Variants in OSBPL3 observed in about 807,000 individuals in gnomAD.
The protein encoded by OSBPL3 is oxysterol binding protein like 3.
OSBPL3 carries 65 observed loss-of-function variants against 120.1 expected under a neutral mutation model. The ratio of observed to expected loss-of-function variants is 0.54; its 90% confidence interval spans 0.44 to 0.67. The LOEUF (loss-of-function observed/expected upper bound fraction) is 0.67, where lower values mean the gene tolerates loss of function less well. OSBPL3 is among the 30% of genes least tolerant of loss of function. OSBPL3 has a pLI of 0.00. For synonymous variants in OSBPL3, 416 were observed against 402.6 expected (o/e 1.03, Z -0.40); for missense variants, 1,004 against 1,082.1 (o/e 0.93, Z 1.01).
At chr7:24,909,461 TG>T (rs1341724187) in intron 1 of OSBPL3, among the ~76,000 whole-genome samples, 1 of 152,204 alleles carries the variant, frequency 6.6e-6, no homozygotes, top group Non-Finnish European at 1.5e-5. Flanking sequence ...ACACACTGGT[TG>T]AAGACCATAG....
chr7:24,959,481 T>C lies in OSBPL3; in HGVS notation c.-150+20405A>G, dbSNP rs181385858. The stretch of plus-strand genomic sequence containing the variant: ...GTTAACATGAGTCAATTTACATAAG[T>C]TACAAAAACAAGCAAAGCTAATCTG... On this transcript the variant is annotated intron_variant, in intron 1 of 22. Transcript: ENST00000313367. This position sits in a 1 kb window ranked among gnomAD's most constrained non-coding sequence, Gnocchi z 4.3. Among the ~76,000 whole-genome samples, 816 of 152,248 alleles carry C rather than the reference T, an allele frequency of 5.4e-3. 2 individuals carry two copies. The highest frequency in any genetic ancestry group is 0.019 in the African/African-American group (780 of 41,548).
rs868609855 is a variant in OSBPL3, at chr7:24,938,795, G to C, written c.-150+41091C>G. On this transcript the variant is annotated intron_variant, in intron 1 of 22. Transcript: ENST00000313367. The surrounding 1 kb of genome is among the most constrained non-coding windows in gnomAD (Gnocchi z 5.8). Reference sequence around the variant, plus strand: ...TTTGTTTTGATGTGTGTGTGTGTGTGTGTGTGTGTGTGTGTGTGTGTGTGT... The same window carrying C: ...TTTGTTTTGATGTGTGTGTGTGTGTCTGTGTGTGTGTGTGTGTGTGTGTGT... Among the ~76,000 whole-genome samples the C allele has an allele frequency of 0.053, 7,789 of 147,550 alleles. 376 individuals are homozygous for C. Among genetic ancestry groups the C allele is most frequent in the East Asian group, 0.18 (906 of 4,936 alleles).
At chr7:24,961,083 C>T (rs1007174675) in intron 1 of OSBPL3, among the ~76,000 whole-genome samples, 1 of 152,036 alleles carries the variant, frequency 6.6e-6, no homozygotes, top group Non-Finnish European at 1.5e-5. Context: ...AATTCTTCTC[C>T]CCCTTACAAA....
intron 1 of OSBPL3, among the ~76,000 whole-genome samples, chr7:24,942,772 C>A (rs1160634442): frequency 1.3e-5 from 2 of 152,184 alleles, no homozygotes; most frequent in African/African-American, 4.8e-5. Flanking sequence ...GTCAAAAACA[C>A]TGATATTTTT....
At chr7:24,878,204 C>G (rs114998384) in intron 2 of OSBPL3, among the ~76,000 whole-genome samples, 2,114 of 152,320 alleles carry the variant, frequency 0.014, 54 homozygotes, top group African/African-American at 0.049. Flanking sequence ...GCTGTTTCCA[C>G]AGGCACCTTT....
At chr7:24,826,387 T>C (rs1199679950) in intron 16 of OSBPL3, among the ~76,000 whole-genome samples, 2 of 152,168 alleles carry the variant, frequency 1.3e-5, no homozygotes, top group Non-Finnish European at 2.9e-5. Context: ...CACCCCTGCC[T>C]ACCACAGGAG....
chr7:24,895,887 T>C (rs936526061), intron 1 of OSBPL3, among the ~76,000 whole-genome samples: 1 of 152,244 alleles, frequency 6.6e-6, no homozygotes, highest in African/African-American at 2.4e-5. Flanking sequence ...TGCACAAATC[T>C]TAAGTGCACA....
In OSBPL3 at chr7:24,867,263, T is replaced by C. The variant is rs901931399; in HGVS notation, c.382-1026A>G. Among the ~76,000 whole-genome samples, 1 of 152,260 alleles carries C rather than the reference T, an allele frequency of 6.6e-6. No individual in the cohort carries two copies. The highest frequency in any genetic ancestry group is 2.4e-5 in the African/African-American group (1 of 41,476). Reference sequence around the variant, plus strand: ...CACCATTTTTCTTTTTAAACTCTTTTATAATTCAGACTTTTCAGATTAATC... The same window carrying C: ...CACCATTTTTCTTTTTAAACTCTTTCATAATTCAGACTTTTCAGATTAATC... On this transcript the variant is annotated intron_variant, in intron 5 of 22. Coordinates refer to ENST00000313367, the MANE Select transcript of OSBPL3 (RefSeq NM_015550.4). The surrounding 1 kb of genome is among the most constrained non-coding windows in gnomAD (Gnocchi z 4.5).
Position 24,822,035 on chromosome 7 carries a change from G to A in OSBPL3, c.1885-1797C>T, listed in dbSNP as rs1022893082. ...ACTAAAGGTGTGTGCCACCACGCCCGGCTAATTTTTTCACTTTTTGTAGGG... is the reference window on the plus strand; with the variant it reads ...ACTAAAGGTGTGTGCCACCACGCCCAGCTAATTTTTTCACTTTTTGTAGGG... On this transcript the variant is annotated intron_variant, in intron 16 of 22. Coordinates refer to ENST00000313367, the MANE Select transcript of OSBPL3 (RefSeq NM_015550.4). This position sits in a 1 kb window ranked among gnomAD's most constrained non-coding sequence, Gnocchi z 5.8. 5.9e-5 allele frequency among the ~76,000 whole-genome samples: 9 copies of A among 152,054 alleles called. No homozygotes were observed. The highest frequency in any genetic ancestry group is 1.9e-4 in the African/African-American group (8 of 41,494).
chr7:24,909,783 C>CTT (rs10591188), intron 1 of OSBPL3, among the ~76,000 whole-genome samples: 1,491 of 77,242 alleles, frequency 0.019, 10 homozygotes, highest in East Asian at 0.027. Flanking sequence ...TTTTTTCTTT[C>CTT]TTTTTTTTTT....
At position 24,879,633 on chromosome 7, in the gene OSBPL3, G is replaced by A. The variant is rs1407258255; in HGVS notation, c.97-7564C>T. ...GAAGGAAAATCAGTCCTTGCCAGCA[G>A]CTGATACTGACAACAAGGAGATAAA... is the stretch of plus-strand genomic sequence containing the variant. On this transcript the variant is annotated intron_variant, in intron 2 of 22. Transcript: ENST00000313367. The surrounding 1 kb of genome is among the most constrained non-coding windows in gnomAD (Gnocchi z 5.6). 6.6e-6 allele frequency among the ~76,000 whole-genome samples: 1 copy of A among 152,196 alleles called. No individual in the cohort carries two copies. The highest frequency in any genetic ancestry group is 2.4e-5 in the African/African-American group (1 of 41,456).
At position 24,833,850 on chromosome 7, in the gene OSBPL3, G is replaced by A. The variant is rs1047389452; in HGVS notation, c.1746+636C>T. 7.9e-5 allele frequency among the ~76,000 whole-genome samples: 12 copies of A among 152,188 alleles called. No homozygotes were observed. The highest frequency in any genetic ancestry group is 1.5e-5 in the Non-Finnish European group (1 of 68,030). ...CCTACCCATGAGATGGGGGAAAGAT[G>A]AGAAATACTTGGAAGCCCTTTTAAA... On this transcript the variant is annotated intron_variant, in intron 15 of 22. Transcript: ENST00000313367. The surrounding 1 kb of genome is among the most constrained non-coding windows in gnomAD (Gnocchi z 4.4).
At chr7:24,839,277 G>A (rs903203169) in intron 14 of OSBPL3, among the ~76,000 whole-genome samples, 2 of 152,172 alleles carry the variant, frequency 1.3e-5, no homozygotes, top group African/African-American at 2.4e-5. Flanking sequence ...TTGATGCTAC[G>A]AGGACCCATG....
intron 19 of OSBPL3, among the ~76,000 whole-genome samples, chr7:24,811,587 G>A (rs781684024): frequency 5.3e-5 from 8 of 152,212 alleles, no homozygotes; most frequent in Admixed American, 4.6e-4. Flanking sequence ...CCTGACCAAC[G>A]TCATGAAGCT....
intron 1 of OSBPL3, among the ~76,000 whole-genome samples, chr7:24,919,162 T>C (rs186847943): frequency 2.3e-4 from 35 of 152,252 alleles, no homozygotes; most frequent in Non-Finnish European, 1.5e-4. Flanking sequence ...AAAGAAAAGA[T>C]ATCTCAAAAT....
intron 1 of OSBPL3, among the ~76,000 whole-genome samples, chr7:24,971,903 A>C (rs1170155285): frequency 1.3e-5 from 2 of 152,186 alleles, no homozygotes; most frequent in Admixed American, 1.3e-4. Flanking sequence ...CAAGCTCCGA[A>C]GGAAACCTCA....
At position 24,871,824 on chromosome 7, in the gene OSBPL3, G is replaced by A; in HGVS notation, c.214-29C>T. ...TGGGGAAGAAAGTATTATTAATTAA[G>A]GCATTCAATTTAGGTGCCCTTTTCT... On this transcript the variant is annotated intron_variant, in intron 3 of 22. Transcript: ENST00000313367. This position sits in a 1 kb window ranked among gnomAD's most constrained non-coding sequence, Gnocchi z 4.8. 1 of 1,577,236 alleles carries A rather than the reference G, an allele frequency of 6.3e-7. No homozygotes were observed.
At position 24,892,379 on chromosome 7, in the gene OSBPL3, G is replaced by T; in HGVS notation, c.94C>A (p.Gln32Lys). The T allele has an allele frequency of 6.2e-7, 1 of 1,613,222 alleles. No individual in the cohort carries two copies. The highest frequency in any genetic ancestry group is 1.3e-5 in the African/African-American group (1 of 75,040). ...SSCSSKQGSR[Q>K]DSWEVVEGLR... ...AATTTGCATGAGTTAAACTTTACCTGTCGACTTCCTTGCTTGGAAGAGCAG... is the reference window on the plus strand; with the variant it reads ...AATTTGCATGAGTTAAACTTTACCTTTCGACTTCCTTGCTTGGAAGAGCAG... Residue 32 changes from glutamine to lysine, a missense_variant and splice_region_variant, in exon 2 of 23, where the codon CAG (glutamine) becomes AAG (lysine). This residue lies in a region of OSBPL3 where 255 missense variants were observed against 248.7 expected (regional missense o/e 1.03). Transcript: ENST00000313367.
At chr7:24,917,945 G>T in intron 1 of OSBPL3, 1 of 241,472 alleles carries the variant, frequency 4.1e-6, no homozygotes, top group Middle Eastern at 2.0e-3. Flanking sequence ...CATTCTCTGA[G>T]GCAACACTTA....
Sources: allele counts gnomAD v4.1 joint callset (sites outside exome capture counted in the v4.1 genomes callset), GRCh38; gene constraint gnomAD v4.1.1; regional missense constraint gnomAD v4.1.1; non-coding constraint Gnocchi (gnomAD v3.1); transcripts MANE v1.5; gene names NCBI Gene and HGNC (gene_info 2026-07-23, HGNC 2026-07-21).